The following EDA variants were observed in gnomAD, a reference collection of about 807,000 sequenced individuals.
EDA encodes ectodysplasin-A.
EDA carries 2 observed loss-of-function variants against 23.6 expected under a neutral mutation model. The ratio of observed to expected loss-of-function variants is 0.08; its 90% CI spans 0.03 to 0.27. The LOEUF (loss-of-function observed/expected upper bound fraction) is 0.27, where lower values mean the gene tolerates loss of function less well. Among genes scored for constraint, EDA ranks in the 10% least tolerant of loss-of-function variants. EDA has a pLI of 1.00. For missense variants in EDA, 229 were observed against 324.2 expected, an observed-to-expected ratio of 0.71 and a Z score of 2.26; for synonymous variants, 131 against 132.0, an observed-to-expected ratio of 0.99 and a Z score of 0.05.
chrX:69,626,175 G>A (rs1421065216), intron 1 of EDA, among the ~76,000 whole-genome samples: 1 of 111,564 alleles, frequency 9.0e-6, no homozygotes, highest in Non-Finnish European at 1.9e-5. Context: ...GTGGAGATGT[G>A]GAGAAATGGA....
chrX:69,980,816 G>C (rs190491485), intron 2 of EDA, among the ~76,000 whole-genome samples: 1 of 112,358 alleles, frequency 8.9e-6, no homozygotes, highest in Admixed American at 9.4e-5. Context: ...CCTCAGATAT[G>C]TTAAATAACT....
chrX:69,683,171 C>T (rs1036467777), intron 1 of EDA, among the ~76,000 whole-genome samples: 1 of 111,248 alleles, frequency 9.0e-6, no homozygotes, highest in African/African-American at 3.3e-5. Flanking sequence ...ATGTTAAGTA[C>T]TCTAATGTCT....
At chrX:70,004,582 TA>T (rs1480854022) in intron 2 of EDA, among the ~76,000 whole-genome samples, 1 of 112,239 alleles carries the variant, frequency 8.9e-6, no homozygotes, top group Non-Finnish European at 1.9e-5. Context: ...ACAATTCTAA[TA>T]GTGTGAGATA....
At chrX:69,965,867 T>C (rs72628844) in intron 2 of EDA, among the ~76,000 whole-genome samples, 10,988 of 111,417 alleles carry the variant, frequency 0.099, 924 homozygotes, top group East Asian at 0.61. Flanking sequence ...GACAACATAG[T>C]GAGACTGCAT....
Position 69,966,000 on chromosome X carries a change from T to G in EDA, c.502+8868T>G, listed in dbSNP as rs780504250. On this transcript the variant is annotated intron_variant, in intron 2 of 7. Coordinates refer to ENST00000374552, the MANE Select transcript of EDA (RefSeq NM_001399.5). ...AGTTCAAGGCTGCAGTGAGCTATGA[T>G]TGAGCCTCTGCTCTCCAGCCTGGGT... is the stretch of plus-strand genomic sequence containing the variant. Among the ~76,000 whole-genome samples the G allele has an allele frequency of 5.4e-5, 6 of 111,743 alleles. No homozygotes were observed. In the South Asian group the frequency reaches 2.3e-3, roughly 42 times the overall value.
chrX:69,746,970 C>T (rs2013642721), intron 1 of EDA, among the ~76,000 whole-genome samples: 1 of 111,537 alleles, frequency 9.0e-6, no homozygotes, highest in African/African-American at 3.3e-5. Context: ...GAGGCATCCT[C>T]TATGCACTGC....
intron 1 of EDA, among the ~76,000 whole-genome samples, chrX:69,728,021 G>A (rs1442551641): frequency 1.8e-5 from 2 of 110,768 alleles, no homozygotes; most frequent in East Asian, 5.7e-4. Context: ...GAGGTGGGCG[G>A]ATCACTTGAG....
At chrX:69,952,536 C>T (rs1392796603) in intron 1 of EDA, among the ~76,000 whole-genome samples, 1 of 112,092 alleles carries the variant, frequency 8.9e-6, no homozygotes, top group East Asian at 2.8e-4. Context: ...GGGAATTAAT[C>T]ATGAGATCTG....
intron 1 of EDA, among the ~76,000 whole-genome samples, chrX:69,863,880 A>G (rs1207041107): frequency 9.1e-6 from 1 of 110,413 alleles, no homozygotes; most frequent in Non-Finnish European, 1.9e-5. Flanking sequence ...TCTTATACAC[A>G]TGCAAAAACT....
chrX:69,677,098 G>A lies in EDA; in HGVS notation c.396+60394G>A, dbSNP rs369314783. Among the ~76,000 whole-genome samples the A allele has an allele frequency of 4.9e-4, 49 of 99,069 alleles. 1 individual carries two copies. The East Asian group carries it at 0.012, about 25-fold the overall frequency. The allele number at this position is 99,069 out of a possible 115,157, so 86.0% of individuals were successfully genotyped here. A position where few individuals can be genotyped will look rare whatever the true frequency, so the allele number is the denominator to read the frequency against. ...GCGGTGTTTGGTTTTTTGTTCTTGC[G>A]ATAGTTTACTGAGAATGATGATTTC... On this transcript the variant is annotated intron_variant, in intron 1 of 7. Transcript: ENST00000374552.
intron 2 of EDA, among the ~76,000 whole-genome samples, chrX:69,975,262 C>T (rs1306346387): frequency 1.8e-5 from 2 of 111,910 alleles, no homozygotes; most frequent in Non-Finnish European, 3.8e-5. Flanking sequence ...GGTTCATATA[C>T]ACCGTGGAAT....
chrX:69,631,513 C>T (rs1201561917), intron 1 of EDA, among the ~76,000 whole-genome samples: 3 of 109,938 alleles, frequency 2.7e-5, no homozygotes, highest in Non-Finnish European at 5.7e-5. Flanking sequence ...TCAGTGTTGG[C>T]TTGCCAGTAT....
At chrX:69,618,456 C>G (rs1042661503) in intron 1 of EDA, among the ~76,000 whole-genome samples, 2 of 112,050 alleles carry the variant, frequency 1.8e-5, no homozygotes, top group East Asian at 5.6e-4. Flanking sequence ...AGGATACTAG[C>G]TCTTTACATT....
chrX:69,878,126 A>C (rs994480312), intron 1 of EDA, among the ~76,000 whole-genome samples: 12 of 112,255 alleles, frequency 1.1e-4, no homozygotes, highest in African/African-American at 3.9e-4. Context: ...CAAACCTGGA[A>C]TCAACAGTAT....
intron 1 of EDA, among the ~76,000 whole-genome samples, chrX:69,720,472 CCT>C (rs1250484401): frequency 9.0e-6 from 1 of 111,573 alleles, no homozygotes; most frequent in Non-Finnish European, 1.9e-5. Context: ...CATCCTTTCA[CCT>C]CTCTTTCTGG....
chrX:69,770,260 A>C (rs1456967745), intron 1 of EDA, among the ~76,000 whole-genome samples: 1 of 111,967 alleles, frequency 8.9e-6, no homozygotes, highest in Non-Finnish European at 1.9e-5. Context: ...TCAAGAGTGC[A>C]ATTGATGGAT....
At chrX:69,724,330 G>A (rs758093418) in intron 1 of EDA, among the ~76,000 whole-genome samples, 21 of 111,686 alleles carry the variant, frequency 1.9e-4, no homozygotes, top group African/African-American at 6.8e-4. Context: ...CCTTTTCCAC[G>A]CTTTCCTGGC....
intron 1 of EDA, among the ~76,000 whole-genome samples, chrX:69,650,349 A>C (rs965601724): frequency 2.7e-5 from 3 of 112,042 alleles, no homozygotes; most frequent in Non-Finnish European, 5.6e-5. Context: ...GTCTAATGGC[A>C]GAGCCAGCAA....
chrX:69,789,426 G>A (rs374642963), intron 1 of EDA, among the ~76,000 whole-genome samples: 40 of 112,460 alleles, frequency 3.6e-4, no homozygotes, highest in African/African-American at 1.1e-3. Context: ...TATGAAATCA[G>A]CGGAGATAAA....
Sources: allele counts gnomAD v4.1 joint callset (sites outside exome capture counted in the v4.1 genomes callset), GRCh38; gene constraint gnomAD v4.1.1; transcripts MANE v1.5; gene names NCBI Gene and HGNC (gene_info 2026-07-23, HGNC 2026-07-21).